Variants in SLC41A3 observed in about 807,000 individuals in gnomAD.
SLC41A3 encodes SLC41A1-like 2.
Under a neutral mutation model 45.4 loss-of-function variants are expected in SLC41A3, and 44 were observed. The ratio of observed to expected loss-of-function variants is 0.97; its 90% confidence interval spans 0.76 to 1.25. The LOEUF (loss-of-function observed/expected upper bound fraction) is 1.25, where lower values mean the gene tolerates loss of function less well. SLC41A3 is among the 50% of genes most tolerant of loss of function. The pLI is 0.00. For synonymous variants in SLC41A3, 256 were observed against 252.4 expected (o/e 1.01, Z -0.13); for missense variants, 550 against 600.6 (o/e 0.92, Z 0.88).
At position 126,063,090 on chromosome 3, in the gene SLC41A3, T is replaced by C. The variant is rs74807865; in HGVS notation, c.273+4857A>G. Among the ~76,000 whole-genome samples the C allele has an allele frequency of 3.0e-4, 46 of 152,260 alleles. No homozygotes were observed. In the East Asian group the frequency reaches 7.5e-3, roughly 25 times the overall value. ...CACATGCTGGGCTCTCCTGGAAGCA[T>C]AGGTTCTCACAGACGTTGTGCCTGT... is the stretch of plus-strand genomic sequence containing the variant. On this transcript the variant is annotated intron_variant, in intron 2 of 10. Transcript: ENST00000360370.
rs141895337 is a variant in SLC41A3, at chr3:126,053,601, A to C, written c.274-2551T>G. On this transcript the variant is annotated intron_variant, in intron 2 of 10. Coordinates refer to ENST00000360370, the MANE Select transcript of SLC41A3 (RefSeq NM_017836.4). ...CCAATTCTGGCACTGTCCTATCTCT[A>C]GACTTCTTTACAGAGATAATCAGTG... 7.7e-3 allele frequency among the ~76,000 whole-genome samples: 1,170 copies of C among 152,172 alleles called. 16 individuals are homozygous for C. The highest frequency in any genetic ancestry group is 8.9e-3 in the Non-Finnish European group (605 of 67,998).
chr3:126,007,344 C>G (rs2107625852), intron 10 of SLC41A3, 119 bp from the exon 11 acceptor site: 1 of 1,069,956 alleles, frequency 9.3e-7, no homozygotes, highest in Non-Finnish European at 1.3e-6. Flanking sequence ...CCCAGCCAGC[C>G]TCCTTCATCC....
At chr3:126,057,474 A>G (rs776121427) in intron 2 of SLC41A3, among the ~76,000 whole-genome samples, 6 of 152,214 alleles carry the variant, frequency 3.9e-5, no homozygotes, top group Non-Finnish European at 8.8e-5. Flanking sequence ...GCCTGAGGGC[A>G]GGCTGGGGCA....
intron 6 of SLC41A3, among the ~76,000 whole-genome samples, chr3:126,020,104 G>T (rs998169213): frequency 5.9e-5 from 9 of 152,260 alleles, no homozygotes; most frequent in Middle Eastern, 3.4e-3. Flanking sequence ...AGCACCACAT[G>T]GACCTAGGTT....
intron 1 of SLC41A3, among the ~76,000 whole-genome samples, chr3:126,072,314 A>C: frequency 6.6e-6 from 1 of 151,644 alleles, no homozygotes; most frequent in South Asian, 2.1e-4. Context: ...AAAAAGTAGA[A>C]GGCAGGAATT....
chr3:126,098,219 C>T (rs1360711929), intron 1 of SLC41A3, among the ~76,000 whole-genome samples: 2 of 152,166 alleles, frequency 1.3e-5, no homozygotes, highest in Non-Finnish European at 2.9e-5. Context: ...AGTAAAGATT[C>T]AGTGAGGTTA....
intron 1 of SLC41A3, among the ~76,000 whole-genome samples, chr3:126,080,947 T>C (rs1318470098): frequency 1.4e-5 from 2 of 147,850 alleles, no homozygotes; most frequent in Non-Finnish European, 3.0e-5. Flanking sequence ...CGAGATTCCA[T>C]CTCTGAAAAA....
intron 9 of SLC41A3, among the ~76,000 whole-genome samples, chr3:126,009,982 A>G (rs1263207725): frequency 6.6e-6 from 1 of 152,268 alleles, no homozygotes; most frequent in Non-Finnish European, 1.5e-5. Context: ...CCCATTAAGT[A>G]CAACTGAAAG....
At chr3:126,050,190 C>A (rs1943232393) in intron 3 of SLC41A3, among the ~76,000 whole-genome samples, 1 of 152,172 alleles carries the variant, frequency 6.6e-6, no homozygotes, top group African/African-American at 2.4e-5. Context: ...TTGCGCCTCA[C>A]CTATCTCTTC....
At chr3:126,096,190 A>T (rs1271042576) in intron 1 of SLC41A3, among the ~76,000 whole-genome samples, 1 of 152,244 alleles carries the variant, frequency 6.6e-6, no homozygotes, top group Non-Finnish European at 1.5e-5. Context: ...CTAGTAACCC[A>T]TTAAAATGGA....
chr3:126,035,315 A>C (rs1163684396), intron 3 of SLC41A3, among the ~76,000 whole-genome samples: 1 of 151,980 alleles, frequency 6.6e-6, no homozygotes, highest in Non-Finnish European at 1.5e-5. Flanking sequence ...TATAGAGAAG[A>C]CCACTGAACA....
intron 3 of SLC41A3, among the ~76,000 whole-genome samples, chr3:126,044,789 A>G (rs6806350): frequency 0.71 from 105,805 of 149,958 alleles, 37,478 homozygotes; most frequent in East Asian, 0.82. Flanking sequence ...CCAGCTACTC[A>G]GGAGGCTGAG....
intron 1 of SLC41A3, among the ~76,000 whole-genome samples, chr3:126,100,777 A>G (rs747842513): frequency 2.6e-5 from 4 of 152,098 alleles, no homozygotes; most frequent in Non-Finnish European, 5.9e-5. Flanking sequence ...GAAAGCTCTG[A>G]GCTGAATTGT....
intron 1 of SLC41A3, among the ~76,000 whole-genome samples, chr3:126,091,758 G>A (rs1402516366): frequency 1.3e-5 from 2 of 152,084 alleles, no homozygotes; most frequent in African/African-American, 4.8e-5. Flanking sequence ...AGCTTTGCAG[G>A]GCCACTTCAA....
chr3:126,012,541 C>T, intron 9 of SLC41A3, 74 bp downstream of exon 9: 19 of 1,585,278 alleles, frequency 1.2e-5, no homozygotes, highest in Non-Finnish European at 1.6e-5. Flanking sequence ...CTACAAACAC[C>T]AGATTCCAAT....
At chr3:126,057,068 G>A in intron 2 of SLC41A3, 4 of 995,028 alleles carry the variant, frequency 4.0e-6, no homozygotes, top group Non-Finnish European at 4.8e-6. Context: ...GGCAGAGGAG[G>A]GCCTGGGGAG....
chr3:126,078,522 C>A (rs934060637), intron 1 of SLC41A3, among the ~76,000 whole-genome samples: 4 of 152,200 alleles, frequency 2.6e-5, no homozygotes, highest in African/African-American at 7.2e-5. Flanking sequence ...AGGAAGGATG[C>A]TTGGCAGAAC....
chr3:126,052,870 C>T (rs1406070402), intron 2 of SLC41A3, among the ~76,000 whole-genome samples: 1 of 152,212 alleles, frequency 6.6e-6, no homozygotes, highest in African/African-American at 2.4e-5. Context: ...CTCGAGTACC[C>T]TTCCACTGTG....
chr3:126,065,546 T>C (rs1403938949), intron 2 of SLC41A3, among the ~76,000 whole-genome samples: 1 of 152,184 alleles, frequency 6.6e-6, no homozygotes, highest in Non-Finnish European at 1.5e-5. Flanking sequence ...AAAGCAGACT[T>C]GTAGCAGAGA....
Sources: allele counts gnomAD v4.1 joint callset (sites outside exome capture counted in the v4.1 genomes callset), GRCh38; gene constraint gnomAD v4.1.1; transcripts MANE v1.5; gene names NCBI Gene and HGNC (gene_info 2026-07-23, HGNC 2026-07-21).